SMG6: variants seen among roughly 807,000 people sequenced by gnomAD.
SMG6 encodes the protein telomerase-binding protein EST1A.
SMG6 carries 66 observed loss-of-function variants against 142.2 expected under a neutral mutation model. That is an observed-to-expected ratio of 0.46 (90% CI 0.38 to 0.57). SMG6 has a LOEUF of 0.57. SMG6 is among the 20% of genes least tolerant of loss of function. SMG6 has a pLI of 0.00. For synonymous variants in SMG6, 779 were observed against 702.4 expected, an observed-to-expected ratio of 1.11 and a Z score of -1.72; for missense variants, 1,793 against 1,832.0, an observed-to-expected ratio of 0.98 and a Z score of 0.39.
intron 13 of SMG6, among the ~76,000 whole-genome samples, chr17:2,096,142 A>G (rs1269020705): frequency 6.6e-6 from 1 of 152,118 alleles, no homozygotes; most frequent in Non-Finnish European, 1.5e-5. Context: ...ACTGGGCTCA[A>G]GCAATCCTCC....
chr17:2,273,974 C>G (rs1167362018), intron 8 of SMG6, among the ~76,000 whole-genome samples: 1 of 152,210 alleles, frequency 6.6e-6, no homozygotes, highest in African/African-American at 2.4e-5. Context: ...CCACAAATAA[C>G]AAGAATCAAC....
rs776457967 is a variant in SMG6, at chr17:2,081,936, T to G, written c.3555A>C (p.Glu1185Asp). 1 of 1,614,160 alleles carries G rather than the reference T, an allele frequency of 6.2e-7. No individual in the cohort carries two copies. Among genetic ancestry groups the G allele is most frequent in the Non-Finnish European group, 8.5e-7 (1 of 1,180,032 alleles). The part of the protein sequence containing the change: ...LEDEEEDVVI[E>D]DFEEDSEAEG... ...CAGCCTCTGAATCTTCCTCAAAGTC[T>G]TCAATCACCACATCCTCCTCCTTTG... Residue 1185 changes from glutamate to aspartate, a missense_variant, in exon 15 of 19, where the codon GAA becomes GAC. By Grantham distance (45) the Glu-to-Asp change is conservative (BLOSUM62 2). This residue lies in a region of SMG6 where 1,597 missense variants were observed against 1,584.6 expected (regional missense o/e 1.01). Coordinates refer to ENST00000263073, the MANE Select transcript of SMG6 (RefSeq NM_017575.5).
In SMG6 at chr17:2,188,432, G is replaced by A. The variant is rs541245941; in HGVS notation, c.2953C>T (p.Arg985Cys). Residue 985 changes from arginine (R) to cysteine (C), a missense_variant, in exon 11 of 19, where the codon CGC becomes TGC. This residue lies in a region of SMG6 where 1,597 missense variants were observed against 1,584.6 expected (regional missense o/e 1.01). Transcript: ENST00000263073. ...GACTCCTTAAGTAAGCAGGTGCAGC[G>A]GCGGACCAGTAGAGAAAACATGGCC... The part of the protein sequence containing the change: ...GLAMFSLLVR[R>C]CTCLLKESAK... The A allele has an allele frequency of 5.4e-5, 87 of 1,614,054 alleles. No individual in the cohort carries two copies. The highest frequency in any genetic ancestry group is 5.4e-4 in the South Asian group (49 of 91,064).
intron 13 of SMG6, among the ~76,000 whole-genome samples, chr17:2,145,927 T>C (rs2070655658): frequency 1.3e-5 from 2 of 152,024 alleles, no homozygotes; most frequent in Admixed American, 6.6e-5. Context: ...TCTATCTAAA[T>C]CTCAATATAT....
At chr17:2,208,317 T>A (rs1467210947) in intron 10 of SMG6, among the ~76,000 whole-genome samples, 1 of 152,156 alleles carries the variant, frequency 6.6e-6, no homozygotes, top group African/African-American at 2.4e-5. Flanking sequence ...TTATCAGACC[T>A]GTACTACAGG....
At chr17:2,187,590 G>C (rs2072029794) in intron 11 of SMG6, among the ~76,000 whole-genome samples, 2 of 152,168 alleles carry the variant, frequency 1.3e-5, no homozygotes, top group African/African-American at 4.8e-5. Flanking sequence ...ATAACCTTAA[G>C]TATGTGTGTA....
chr17:2,287,366 C>A (rs888212231), intron 6 of SMG6, among the ~76,000 whole-genome samples: 3 of 152,184 alleles, frequency 2.0e-5, no homozygotes, highest in African/African-American at 4.8e-5. Flanking sequence ...ACCACCACTA[C>A]GATGGCTACT....
chr17:2,273,422 AG>A (rs1167806168), intron 8 of SMG6, among the ~76,000 whole-genome samples: 3 of 152,178 alleles, frequency 2.0e-5, no homozygotes, highest in Non-Finnish European at 4.4e-5. Context: ...GCACTTTGGG[AG>A]GCCGAGGCGG....
At position 2,068,927 on chromosome 17, in the gene SMG6, A is replaced by G. The variant is rs61741980; in HGVS notation, c.3686T>C (p.Val1229Ala). 6.2e-7 allele frequency: 1 copy of G among 1,614,112 alleles called. No individual in the cohort carries two copies. Among genetic ancestry groups the G allele is most frequent in the Middle Eastern group, 1.6e-4 (1 of 6,062 alleles). Residue 1229 changes from valine (V) to alanine (A), a missense_variant, in exon 16 of 19, where the codon GTC (valine) becomes GCC (alanine). By Grantham distance (64) the Val-to-Ala change is moderately conservative. Transcript: ENST00000263073. This position sits in a 1 kb window ranked among gnomAD's most constrained non-coding sequence, Gnocchi z 6.7. The stretch of plus-strand genomic sequence containing the variant: ...CCTCATCTGACTGTGGTCCTCCAGG[A>G]CAGCCTATGGGGACAGAGTGGTGAA... Reference protein sequence around the residue: ...QQRRQEKIQAVLEDHSQMRQM... With the variant: ...QQRRQEKIQAALEDHSQMRQM...
At chr17:2,189,946 G>GC (rs1366871718) in intron 10 of SMG6, among the ~76,000 whole-genome samples, 3 of 152,140 alleles carry the variant, frequency 2.0e-5, no homozygotes, top group African/African-American at 7.2e-5. Context: ...ACTGTGGCAG[G>GC]CAGTTAAGGA....
intron 10 of SMG6, among the ~76,000 whole-genome samples, chr17:2,193,245 T>C (rs2072221327): frequency 6.6e-6 from 1 of 152,196 alleles, no homozygotes; most frequent in Non-Finnish European, 1.5e-5. Flanking sequence ...GCCCCACTCT[T>C]TGCTCCTGCT....
At chr17:2,270,522 C>T (rs1011849744) in intron 8 of SMG6, among the ~76,000 whole-genome samples, 3 of 152,118 alleles carry the variant, frequency 2.0e-5, no homozygotes, top group African/African-American at 7.2e-5. Flanking sequence ...GCAGGAAGAC[C>T]ACTTGAGCCT....
At chr17:2,279,993 A>C (rs1383791208) in intron 8 of SMG6, among the ~76,000 whole-genome samples, 1 of 152,144 alleles carries the variant, frequency 6.6e-6, no homozygotes, top group Non-Finnish European at 1.5e-5. Context: ...TACCACACGG[A>C]ACTATAATGA....
intron 10 of SMG6, among the ~76,000 whole-genome samples, chr17:2,228,311 C>A (rs2073374195): frequency 6.6e-6 from 1 of 152,168 alleles, no homozygotes; most frequent in African/African-American, 2.4e-5. Flanking sequence ...TCACTGCAAC[C>A]TCCACTCCCC....
chr17:2,116,281 G>GT (rs1007471019), intron 13 of SMG6, among the ~76,000 whole-genome samples: 12 of 151,926 alleles, frequency 7.9e-5, no homozygotes, highest in Non-Finnish European at 1.8e-4. Flanking sequence ...GTCTTGCTAT[G>GT]TTGCCCAGGC....
intron 12 of SMG6, among the ~76,000 whole-genome samples, chr17:2,176,681 G>A (rs1597528490): frequency 1.3e-5 from 2 of 152,170 alleles, no homozygotes; most frequent in South Asian, 4.1e-4. Context: ...TGTGATTAGA[G>A]AGCAGGGATC....
chr17:2,248,848 A>G (rs1201440911), intron 8 of SMG6, among the ~76,000 whole-genome samples: 1 of 152,098 alleles, frequency 6.6e-6, no homozygotes, highest in East Asian at 1.9e-4. Flanking sequence ...TTTACAAGAG[A>G]CAATATGAAG....
At chr17:2,088,119 C>G (rs1253109962) in intron 13 of SMG6, 1 of 985,320 alleles carries the variant, frequency 1.0e-6, no homozygotes, top group Non-Finnish European at 1.2e-6. Flanking sequence ...GGCACCCCTG[C>G]TAAGTGTGCA....
intron 10 of SMG6, among the ~76,000 whole-genome samples, chr17:2,222,187 A>G (rs1292161512): frequency 6.6e-6 from 1 of 152,188 alleles, no homozygotes; most frequent in Non-Finnish European, 1.5e-5. Flanking sequence ...GCAGAATAGT[A>G]GAGGAAAATA....
Sources: allele counts gnomAD v4.1 joint callset (sites outside exome capture counted in the v4.1 genomes callset), GRCh38; gene constraint gnomAD v4.1.1; regional missense constraint gnomAD v4.1.1; non-coding constraint Gnocchi (gnomAD v3.1); transcripts MANE v1.5; gene names NCBI Gene and HGNC (gene_info 2026-07-23, HGNC 2026-07-21).